PLSCR4: variants seen among roughly 807,000 people sequenced by gnomAD.
PLSCR4 encodes the protein Ca(2+)-dependent phospholipid scramblase 4.
PLSCR4 carries 25 observed loss-of-function variants against 36.3 expected under a neutral mutation model. That is an observed-to-expected ratio of 0.69 (90% CI 0.50 to 0.96). PLSCR4 has a LOEUF of 0.96. PLSCR4 is among the 40% of genes least tolerant of loss of function. The pLI is 0.00. For synonymous variants in PLSCR4, 122 were observed against 132.9 expected (o/e 0.92, Z 0.56); for missense variants, 408 against 414.7 (o/e 0.98, Z 0.14).
chr3:146,206,732 T>C lies in PLSCR4; in HGVS notation c.148A>G (p.Thr50Ala). 1 of 1,601,248 alleles carries C rather than the reference T, an allele frequency of 6.2e-7. No individual in the cohort carries two copies. The change falls in exon 4 of 9, where the codon ACT (threonine) becomes GCT (alanine). Residue 50 changes from threonine to alanine, a missense_variant. By Grantham distance (58) the Thr-to-Ala change is moderately conservative. Transcript: ENST00000354952. The stretch of plus-strand genomic sequence containing the variant: ...ATAGGCAAGCCTCCTGGGTAGCCAG[T>C]AGGTGGAGGGACAGCTGTTCCAGGG... ...GPPGTAVPPP[T>A]GYPGGLPMGY...
chr3:146,231,352 T>G (rs1474194489), intron 1 of PLSCR4, among the ~76,000 whole-genome samples: 3 of 152,176 alleles, frequency 2.0e-5, no homozygotes, highest in Non-Finnish European at 4.4e-5. Context: ...GGTAGAACAA[T>G]TTACATTCCT....
intron 1 of PLSCR4, among the ~76,000 whole-genome samples, chr3:146,235,575 A>T (rs2035881924): frequency 6.6e-6 from 1 of 152,172 alleles, no homozygotes; most frequent in Admixed American, 6.6e-5. Flanking sequence ...AATACAGAAA[A>T]TGGGTACCGA....
intron 1 of PLSCR4, among the ~76,000 whole-genome samples, chr3:146,230,901 T>C (rs1406687018): frequency 3.3e-5 from 5 of 152,136 alleles, no homozygotes; most frequent in Non-Finnish European, 7.3e-5. Flanking sequence ...GGTGAACAAG[T>C]GCAGGTTTGT....
rs888996557 is a variant in PLSCR4, at chr3:146,192,615, G to A, written c.*1796C>T. 1.3e-5 allele frequency: 2 copies of A among 151,592 alleles called. No individual in the cohort carries two copies. The highest frequency in any genetic ancestry group is 2.4e-5 in the African/African-American group (1 of 41,332). The allele number at this position is 151,592 out of a possible 1,614,324, so 9.4% of individuals were successfully genotyped here. A position where few individuals can be genotyped will look rare whatever the true frequency, so the allele number is the denominator to read the frequency against. The stretch of plus-strand genomic sequence containing the variant: ...AAATATATATAGATATATTTATTAT[G>A]ATGCAGCAGGTTTTGGAATACAGGG... On this transcript the variant is annotated 3_prime_UTR_variant, in exon 9 of 9. Coordinates refer to ENST00000354952, the MANE Select transcript of PLSCR4 (RefSeq NM_020353.3).
chr3:146,224,163 G>A (rs1324346478), intron 1 of PLSCR4, among the ~76,000 whole-genome samples: 2 of 151,932 alleles, frequency 1.3e-5, no homozygotes, highest in Non-Finnish European at 2.9e-5. Flanking sequence ...ACAGGATATA[G>A]ACAAGAATGT....
intron 7 of PLSCR4, 55 bp downstream of exon 7, chr3:146,196,577 G>T: frequency 6.6e-7 from 1 of 1,523,658 alleles, no homozygotes; most frequent in Admixed American, 1.7e-5. Flanking sequence ...TCTTTCCATG[G>T]TCTGTTAATA....
chr3:146,212,086 G>A (rs2034653767), intron 3 of PLSCR4, among the ~76,000 whole-genome samples: 2 of 152,004 alleles, frequency 1.3e-5, no homozygotes, highest in African/African-American at 2.4e-5. Context: ...ATTCCACTGT[G>A]ATAAGAATTG....
At chr3:146,205,129 T>C (rs2034253267) in intron 4 of PLSCR4, among the ~76,000 whole-genome samples, 1 of 152,016 alleles carries the variant, frequency 6.6e-6, no homozygotes, top group African/African-American at 2.4e-5. Context: ...AAGTATTAAA[T>C]TGGGAAGTTT....
At chr3:146,197,228 G>A (rs1439431114) in intron 6 of PLSCR4, among the ~76,000 whole-genome samples, 1 of 152,142 alleles carries the variant, frequency 6.6e-6, no homozygotes, top group Non-Finnish European at 1.5e-5. Flanking sequence ...AAGGCTTACT[G>A]TTGATACTAC....
intron 8 of PLSCR4, 51 bp from the exon 9 acceptor site, chr3:146,194,506 T>TACC: frequency 9.1e-7 from 1 of 1,093,166 alleles, no homozygotes; most frequent in East Asian, 2.4e-5. Flanking sequence ...TTAGGTATAA[T>TACC]GCATGCGGTA....
In PLSCR4 at chr3:146,200,976, G is replaced by C. The variant is rs56157360; in HGVS notation, c.397+59C>G. ...AATATAAAGAAGGAACTAGATATTG[G>C]ATAATGCAAATTTCCATCTGATTAA... On this transcript the variant is annotated intron_variant, in intron 5 of 8. Transcript: ENST00000354952. 0.014 allele frequency: 15,539 copies of C among 1,105,842 alleles called. 972 individuals carry two copies. In the African/African-American group the frequency reaches 0.17, roughly 12 times the overall value. The allele number at this position is 1,105,842 out of a possible 1,614,324, so 68.5% of individuals were successfully genotyped here.
chr3:146,218,442 T>A (rs1055805943), intron 3 of PLSCR4, among the ~76,000 whole-genome samples: 6 of 151,750 alleles, frequency 4.0e-5, no homozygotes, highest in African/African-American at 1.4e-4. Flanking sequence ...CAGAAAAAAA[T>A]TGCCATTTAG....
intron 3 of PLSCR4, among the ~76,000 whole-genome samples, chr3:146,218,760 C>G (rs139611663): frequency 1.3e-5 from 2 of 152,096 alleles, no homozygotes; most frequent in South Asian, 4.1e-4. Flanking sequence ...ACCTCTGTTA[C>G]GGAGCGTTGT....
intron 1 of PLSCR4, among the ~76,000 whole-genome samples, chr3:146,244,407 T>C (rs2036266667): frequency 6.6e-6 from 1 of 152,096 alleles, no homozygotes. Flanking sequence ...TTAAACAAAT[T>C]GAGGGTTTGT....
At chr3:146,229,983 G>A (rs141959687) in intron 1 of PLSCR4, among the ~76,000 whole-genome samples, 238 of 152,240 alleles carry the variant, frequency 1.6e-3, no homozygotes, top group African/African-American at 5.4e-3. Context: ...TGAGTTCTGT[G>A]AGTCATTCTA....
chr3:146,206,854 CT>C, intron 3 of PLSCR4, 93 bp from the exon 4 acceptor site: 1 of 745,356 alleles, frequency 1.3e-6, no homozygotes, highest in Non-Finnish European at 2.2e-6. Flanking sequence ...ACGACATCCA[CT>C]TAAATATAAC....
In PLSCR4 at chr3:146,200,032, T is replaced by C. The variant is rs1188543157; in HGVS notation, c.405A>G (p.Thr135=). 2 of 1,548,560 alleles carry C rather than the reference T, an allele frequency of 1.3e-6. No individual in the cohort carries two copies. The highest frequency in any genetic ancestry group is 1.8e-6 in the Non-Finnish European group (2 of 1,121,532). The change falls in exon 6 of 9, where the codon ACA becomes ACG. Residue 135 remains threonine, a synonymous_variant. Coordinates refer to ENST00000354952, the MANE Select transcript of PLSCR4 (RefSeq NM_020353.3). ...LQHFEPLEMM[T]CFETNNRYDI... ...CATATCTATTATTAGTTTCAAAACA[T>C]GTCATCACTAAAAAATAAAATGAGT... is the stretch of plus-strand genomic sequence containing the variant.
At chr3:146,205,142 T>C (rs917875892) in intron 4 of PLSCR4, among the ~76,000 whole-genome samples, 4 of 151,988 alleles carry the variant, frequency 2.6e-5, no homozygotes, top group Non-Finnish European at 4.4e-5. Context: ...GGAAGTTTCT[T>C]CTTTATAATG....
rs1436629796 is a variant in PLSCR4 at position 146,194,299 on chromosome 3, T to C, written c.*112A>G. ...TGTCAAAGTTAACACCCAATAAAAA[T>C]ACTCTACAAAGCAAAGAAATACACT... On this transcript the variant is annotated 3_prime_UTR_variant, in exon 9 of 9. Transcript: ENST00000354952. 3 of 752,600 alleles carry C rather than the reference T, an allele frequency of 4.0e-6. No individual in the cohort carries two copies. The African/African-American group carries it at 5.3e-5, about 13-fold the overall frequency. The allele number at this position is 752,600 out of a possible 1,614,324, so 46.6% of individuals were successfully genotyped here.
Sources: gnomAD v4.1 joint callset for allele counts (sites outside exome capture counted in the v4.1 genomes callset) on GRCh38, gnomAD v4.1.1 for gene constraint, MANE v1.5 for transcripts, NCBI Gene and HGNC (gene_info 2026-07-23, HGNC 2026-07-21) for gene names.